TRMU: variants seen among roughly 807,000 people sequenced by gnomAD.
TRMU encodes the protein mitochondrial tRNA-specific 2-thiouridylase 1.
A neutral mutation model predicts 46.9 loss-of-function variants in TRMU; 49 were observed. The ratio of observed to expected loss-of-function variants is 1.05; its 90% confidence interval spans 0.83 to 1.33. The LOEUF (loss-of-function observed/expected upper bound fraction) is 1.33, where lower values mean the gene tolerates loss of function less well. TRMU is among the 40% of genes most tolerant of loss of function. The pLI is 0.00. For missense variants in TRMU, 572 were observed against 532.4 expected, an observed-to-expected ratio of 1.07 and a Z score of -0.73; for synonymous variants, 241 against 200.9, an observed-to-expected ratio of 1.20 and a Z score of -1.69.
At position 46,353,778 on chromosome 22, in the gene TRMU, T is replaced by C; in HGVS notation, c.784T>C (p.Tyr262His). 1 of 1,613,832 alleles carries C rather than the reference T, an allele frequency of 6.2e-7. No individual in the cohort carries two copies. The highest frequency in any genetic ancestry group is 1.1e-5 in the South Asian group (1 of 91,062). Reference sequence around the variant, plus strand: ...CTGTCTTTCTGTAGGTTGGTTCCTGTATACCTTGGGCCAGAGAGCAAACAT... The same window carrying C: ...CTGTCTTTCTGTAGGTTGGTTCCTGCATACCTTGGGCCAGAGAGCAAACAT... Reference protein sequence around the residue: ...VLGTHKGWFLYTLGQRANIGG... With the variant: ...VLGTHKGWFLHTLGQRANIGG... The change falls in exon 8 of 11, where the codon TAT becomes CAT. Residue 262 changes from tyrosine to histidine, a missense_variant. Tyr to His is a moderately conservative substitution (Grantham distance 83, BLOSUM62 2). Coordinates refer to ENST00000645190, the MANE Select transcript of TRMU (RefSeq NM_018006.5).
Position 46,352,164 on chromosome 22 carries a change from T to G in TRMU, c.695T>G (p.Phe232Cys). ...ATCGGGAAGAGGAATTTTGAACATT[T>G]CCTTCTTCAGGTGCGTGCTGCTCTT... is the stretch of plus-strand genomic sequence containing the variant. The part of the protein sequence containing the change: ...CFIGKRNFEH[F>C]LLQYLQPRPG... Residue 232 changes from phenylalanine (F) to cysteine (C), a missense_variant, in exon 6 of 11, where the codon TTC becomes TGC. Physicochemically the swap from Phe to Cys is radical, Grantham distance 205. Coordinates refer to ENST00000645190, the MANE Select transcript of TRMU (RefSeq NM_018006.5). 2.5e-6 allele frequency: 4 copies of G among 1,614,162 alleles called. No individual in the cohort carries two copies. Among genetic ancestry groups the G allele is most frequent in the Non-Finnish European group, 3.4e-6 (4 of 1,180,028 alleles).
intron 1 of TRMU, 32 bp downstream of exon 1, chr22:46,335,878 A>T (rs1419432463): frequency 2.0e-6 from 3 of 1,524,796 alleles, no homozygotes; most frequent in South Asian, 1.2e-5. Flanking sequence ...CCCCCCGCCG[A>T]GCGAATGTGT....
chr22:46,351,767 CT>C lies in TRMU; in HGVS notation c.652-351del. ...CCTAAGGCCTTAGCTTCAGGCCTGG[CT>C]TTCCTGCTACCTGCCCCTTCTCTGG... On this transcript the variant is annotated intron_variant, in intron 5 of 10. Transcript: ENST00000645190. This position sits in a 1 kb window ranked among gnomAD's most constrained non-coding sequence, Gnocchi z 6.4. 1 of 400,204 alleles carries C rather than the reference CT, an allele frequency of 2.5e-6. No homozygotes were observed. The allele number at this position is 400,204 out of a possible 1,614,324, so 24.8% of individuals were successfully genotyped here. A position where few individuals can be genotyped will look rare whatever the true frequency, so the allele number is the denominator to read the frequency against.
In TRMU at chr22:46,338,631, C is replaced by T. The variant is rs1188518935; in HGVS notation, c.248+687C>T. Among the ~76,000 whole-genome samples, 1 of 152,160 alleles carries T rather than the reference C, an allele frequency of 6.6e-6. No homozygotes were observed. Among genetic ancestry groups the T allele is most frequent in the Non-Finnish European group, 1.5e-5 (1 of 68,024 alleles). ...AGGCTTCACCGGAGAGGAGGGGTTG[C>T]AAACAAAGTTGTAGAGAAGGGACTC... is the stretch of plus-strand genomic sequence containing the variant. On this transcript the variant is annotated intron_variant, in intron 2 of 10. Transcript: ENST00000645190. This position sits in a 1 kb window ranked among gnomAD's most constrained non-coding sequence, Gnocchi z 4.5.
intron 2 of TRMU, among the ~76,000 whole-genome samples, chr22:46,340,309 A>G (rs1469903917): frequency 6.6e-6 from 1 of 152,150 alleles, no homozygotes; most frequent in African/African-American, 2.4e-5. Flanking sequence ...TTCAAGATCA[A>G]GGCTGGGTGG....
In TRMU at chr22:46,336,068, A is replaced by G. The variant is rs1306838138; in HGVS notation, c.82+222A>G. On this transcript the variant is annotated intron_variant, in intron 1 of 10. Transcript: ENST00000645190. The surrounding 1 kb of genome is among the most constrained non-coding windows in gnomAD (Gnocchi z 4.1). ...ACTGCAGCTCCGACTACCTGGGAGC[A>G]GTTCCGCGCCCCTCTCCACCCACGC... is the stretch of plus-strand genomic sequence containing the variant. 1 of 1,388,772 alleles carries G rather than the reference A, an allele frequency of 7.2e-7. No individual in the cohort carries two copies. Among genetic ancestry groups the G allele is most frequent in the Non-Finnish European group, 9.3e-7 (1 of 1,075,306 alleles). The allele number at this position is 1,388,772 out of a possible 1,614,324, so 86.0% of individuals were successfully genotyped here. A position where few individuals can be genotyped will look rare whatever the true frequency, so the allele number is the denominator to read the frequency against.
chr22:46,346,394 T>C (rs1169124727), intron 3 of TRMU, 28 bp from the exon 4 acceptor site: 10 of 1,608,186 alleles, frequency 6.2e-6, no homozygotes, highest in Non-Finnish European at 8.5e-6. Flanking sequence ...GTCTAAAACC[T>C]GATCCTTGTG....
chr22:46,355,767 G>T (rs909701392), intron 9 of TRMU, 179 bp downstream of exon 9: 1 of 1,192,736 alleles, frequency 8.4e-7, no homozygotes, highest in Non-Finnish European at 1.2e-6. Flanking sequence ...AGGCCTGGGG[G>T]TGCTGGGAGC....
Position 46,350,407 on chromosome 22 carries a change from T to C in TRMU, c.595T>C (p.Phe199Leu). 1 of 1,613,754 alleles carries C rather than the reference T, an allele frequency of 6.2e-7. No individual in the cohort carries two copies. The highest frequency in any genetic ancestry group is 8.5e-7 in the Non-Finnish European group (1 of 1,179,966). Residue 199 changes from phenylalanine to leucine, a missense_variant, in exon 5 of 11, where the codon TTT (phenylalanine) becomes CTT (leucine). Phe to Leu is a conservative substitution (Grantham distance 22, BLOSUM62 0). Transcript: ENST00000645190. The surrounding 1 kb of genome is among the most constrained non-coding windows in gnomAD (Gnocchi z 4.6). ...CCCTCTGGGGGGATTAACGAAAGAG[T>C]TTGTAAAGAAAATCGCTGCTGAGAA... is the stretch of plus-strand genomic sequence containing the variant. ...IFPLGGLTKE[F>L]VKKIAAENRL...
rs1399328782 is a variant in TRMU, at chr22:46,349,694, GA to G, written c.479-595del. On this transcript the variant is annotated intron_variant, in intron 4 of 10. Coordinates refer to ENST00000645190, the MANE Select transcript of TRMU (RefSeq NM_018006.5). The surrounding 1 kb of genome is among the most constrained non-coding windows in gnomAD (Gnocchi z 4.6). The stretch of plus-strand genomic sequence containing the variant: ...AAATGGTTCTTTACAATCACATAGG[GA>G]ATGTCGGAGGAACTGCAGGGTCACC... Among the ~76,000 whole-genome samples, 2 of 152,190 alleles carry G rather than the reference GA, an allele frequency of 1.3e-5. No homozygotes were observed. The highest frequency in any genetic ancestry group is 4.8e-5 in the African/African-American group (2 of 41,438).
At chr22:46,345,687 C>G (rs1316129165) in intron 3 of TRMU, among the ~76,000 whole-genome samples, 1 of 152,042 alleles carries the variant, frequency 6.6e-6, no homozygotes, top group Non-Finnish European at 1.5e-5. Flanking sequence ...AGTAAACATT[C>G]TCTGTAAGGA....
At chr22:46,354,595 C>G (rs2078539425) in intron 8 of TRMU, 1 of 152,814 alleles carries the variant, frequency 6.5e-6, no homozygotes, top group Admixed American at 6.5e-5. Context: ...GGCGCCTTCT[C>G]TTAGACGGAG....
rs199650819 is a variant in TRMU, at chr22:46,350,467, C to G, written c.651+4C>G. Reference sequence around the variant, plus strand: ...TCATGTGCTTCAGAAGAAAGAGGTACGAGTGAGCAGTTGCCTTTGATTAGT... The same window carrying G: ...TCATGTGCTTCAGAAGAAAGAGGTAGGAGTGAGCAGTTGCCTTTGATTAGT... On this transcript the variant is annotated splice_donor_region_variant and intron_variant, in intron 5 of 10. Transcript: ENST00000645190. This position sits in a 1 kb window ranked among gnomAD's most constrained non-coding sequence, Gnocchi z 4.6. The G allele has an allele frequency of 6.2e-7, 1 of 1,613,182 alleles. No individual in the cohort carries two copies. The highest frequency in any genetic ancestry group is 1.6e-4 in the Middle Eastern group (1 of 6,062).
rs747662739 is a variant in TRMU at position 46,346,464 on chromosome 22, T to C, written c.398T>C (p.Leu133Pro). 1.6e-5 allele frequency: 26 copies of C among 1,613,594 alleles called. No individual in the cohort carries two copies. In the East Asian group the frequency reaches 5.8e-4, roughly 36 times the overall value. ...IATGHYARTS[L>P]EDEEVFEQKH... Reference sequence around the variant, plus strand: ...ACAGGTCACTATGCAAGAACTTCCCTGGAAGATGAAGAAGTCTTTGAGCAG... The same window carrying C: ...ACAGGTCACTATGCAAGAACTTCCCCGGAAGATGAAGAAGTCTTTGAGCAG... The change falls in exon 4 of 11, where the codon CTG (leucine) becomes CCG (proline). Residue 133 changes from leucine to proline, a missense_variant. Coordinates refer to ENST00000645190, the MANE Select transcript of TRMU (RefSeq NM_018006.5).
chr22:46,355,039 G>A (rs2078554358), intron 8 of TRMU: 2 of 280,034 alleles, frequency 7.1e-6, no homozygotes, highest in Non-Finnish European at 1.4e-5. Flanking sequence ...GGGTGGCCTT[G>A]AGAGAAGAGC....
rs545435623 is a variant in TRMU at position 46,339,927 on chromosome 22, C to T, written c.248+1983C>T. On this transcript the variant is annotated intron_variant, in intron 2 of 10. Transcript: ENST00000645190. The surrounding 1 kb of genome is among the most constrained non-coding windows in gnomAD (Gnocchi z 4.8). ...GCATTAAAAACTTCTGCAGTTTTCTCGGGGACATAAGAAAAAAAAAAGAGT... is the reference window on the plus strand; with the variant it reads ...GCATTAAAAACTTCTGCAGTTTTCTTGGGGACATAAGAAAAAAAAAAGAGT... Among the ~76,000 whole-genome samples the T allele has an allele frequency of 4.0e-5, 6 of 149,362 alleles. No individual in the cohort carries two copies. Among genetic ancestry groups the T allele is most frequent in the African/African-American group, 1.0e-4 (4 of 39,402 alleles).
Position 46,356,897 on chromosome 22 carries a change from T to C in TRMU, c.1157T>C (p.Leu386Pro). The change falls in exon 11 of 11, where the codon CTG (leucine) becomes CCG (proline). Residue 386 changes from leucine to proline, a missense_variant. Transcript: ENST00000645190. Reference protein sequence around the residue: ...ECLGSGKILRLGPSAYTLQKG... With the variant: ...ECLGSGKILRPGPSAYTLQKG... The stretch of plus-strand genomic sequence containing the variant: ...CTGGGCAGCGGGAAGATCCTGCGGC[T>C]GGGGCCGTCTGCCTACACGCTCCAG... 6.2e-7 allele frequency: 1 copy of C among 1,613,274 alleles called. No homozygotes were observed. The highest frequency in any genetic ancestry group is 8.5e-7 in the Non-Finnish European group (1 of 1,179,964).
intron 7 of TRMU, chr22:46,353,018 G>A (rs1215659351): frequency 3.1e-5 from 5 of 163,898 alleles, no homozygotes; most frequent in South Asian, 3.2e-4. Flanking sequence ...GGTGTAGGGC[G>A]TCTTGCAGTG....
intron 3 of TRMU, among the ~76,000 whole-genome samples, chr22:46,344,991 A>G (rs2078214496): frequency 6.6e-6 from 1 of 152,090 alleles, no homozygotes; most frequent in Non-Finnish European, 1.5e-5. Context: ...TTCTGTTTAC[A>G]CTGAGCTAGT....
Sources: allele counts gnomAD v4.1 joint callset (sites outside exome capture counted in the v4.1 genomes callset), GRCh38; gene constraint gnomAD v4.1.1; non-coding constraint Gnocchi (gnomAD v3.1); transcripts MANE v1.5; gene names NCBI Gene and HGNC (gene_info 2026-07-23, HGNC 2026-07-21).